The following SPRY4 variants were observed in gnomAD, a reference collection of about 807,000 sequenced individuals.
The protein encoded by SPRY4 is protein sprouty homolog 4.
Under a neutral mutation model 17.0 loss-of-function variants are expected in SPRY4, and 7 were observed. That is an observed-to-expected ratio of 0.41 (90% CI 0.23 to 0.77). The LOEUF (loss-of-function observed/expected upper bound fraction) is 0.77. SPRY4 is among the 30% of genes least tolerant of loss of function. The pLI is 0.32. For synonymous variants in SPRY4, 183 were observed against 174.1 expected, an observed-to-expected ratio of 1.05 and a Z score of -0.40; for missense variants, 435 against 419.9, an observed-to-expected ratio of 1.04 and a Z score of -0.31.
At position 142,312,587 on chromosome 5, in the gene SPRY4, G is replaced by C. The variant is rs192055228; in HGVS notation, c.*1622C>G. On this transcript the variant is annotated 3_prime_UTR_variant, in exon 2 of 2. Coordinates refer to ENST00000434127, the MANE Select transcript of SPRY4 (RefSeq NM_001127496.3). ...AGAACAAACTGGAAATGCTACGGAC[G>C]CTCTGCCTCATGCACTTCCAGTTTC... The C allele has an allele frequency of 6.6e-6, 1 of 152,114 alleles. No homozygotes were observed. The highest frequency in any genetic ancestry group is 1.5e-5 in the Non-Finnish European group (1 of 68,022). The allele number at this position is 152,114 out of a possible 1,614,324, so 9.4% of individuals were successfully genotyped here. A position where few individuals can be genotyped will look rare whatever the true frequency, so the allele number is the denominator to read the frequency against.
chr5:142,317,912 C>T, intron 1 of SPRY4: 1 of 985,392 alleles, frequency 1.0e-6, no homozygotes, highest in Non-Finnish European at 1.2e-6. Flanking sequence ...TGACTTGGCT[C>T]TCTGGGGACG....
At chr5:142,323,384 G>A (rs1759416002) in intron 1 of SPRY4, among the ~76,000 whole-genome samples, 1 of 152,216 alleles carries the variant, frequency 6.6e-6, no homozygotes, top group Non-Finnish European at 1.5e-5. Context: ...TTGGAGGCAG[G>A]AAAGAAGGGG....
Position 142,314,170 on chromosome 5 carries a change from A to G in SPRY4, c.*39T>C. ...TCTTCTTAGATGTCAGAAGAGAACC[A>G]GGTTTCCAGGCAGAGCACTGGGGCT... is the stretch of plus-strand genomic sequence containing the variant. On this transcript the variant is annotated 3_prime_UTR_variant, in exon 2 of 2. Transcript: ENST00000434127. This position sits in a 1 kb window ranked among gnomAD's most constrained non-coding sequence, Gnocchi z 4.8. 6.4e-7 allele frequency: 1 copy of G among 1,564,642 alleles called. No individual in the cohort carries two copies. Among genetic ancestry groups the G allele is most frequent in the Non-Finnish European group, 8.6e-7 (1 of 1,157,558 alleles).
At chr5:142,319,826 C>G in intron 1 of SPRY4, 2 of 1,589,656 alleles carry the variant, frequency 1.3e-6, no homozygotes, top group Non-Finnish European at 1.7e-6. Context: ...GTTAAATGTC[C>G]GCACAATTGA....
At chr5:142,316,968 G>C in intron 1 of SPRY4, 1 of 982,916 alleles carries the variant, frequency 1.0e-6, no homozygotes, top group Non-Finnish European at 1.2e-6. Flanking sequence ...CTTGGAGAAA[G>C]CCTACCTAGT....
At position 142,313,464 on chromosome 5, in the gene SPRY4, G is replaced by A. The variant is rs1180317749; in HGVS notation, c.*745C>T. On this transcript the variant is annotated 3_prime_UTR_variant, in exon 2 of 2. Transcript: ENST00000434127. ...GTCTGTGACTCAGTAAGAACCGAAG[G>A]ACGGTGTGGTGAGCAGAACACCCCC... The A allele has an allele frequency of 6.6e-6, 1 of 152,552 alleles. No homozygotes were observed. Among genetic ancestry groups the A allele is most frequent in the African/African-American group, 2.4e-5 (1 of 41,398 alleles). 9.4% of individuals were successfully genotyped at this position (152,552 alleles called of 1,614,324 possible).
intron 1 of SPRY4, among the ~76,000 whole-genome samples, chr5:142,322,533 T>C (rs1192564543): frequency 6.6e-6 from 1 of 151,506 alleles, no homozygotes; most frequent in Non-Finnish European, 1.5e-5. Context: ...GCTCCAAATG[T>C]CCACCTGTCC....
intron 1 of SPRY4, among the ~76,000 whole-genome samples, chr5:142,318,488 GAAAA>G: frequency 7.5e-6 from 1 of 134,162 alleles, no homozygotes; most frequent in Middle Eastern, 3.7e-3. Context: ...TGAGTCTCAA[GAAAA>G]AAAAAAAGAA....
Position 142,314,594 on chromosome 5 carries a change from G to C in SPRY4, c.515C>G (p.Ser172Cys). The change falls in exon 2 of 2, where the codon TCC (serine) becomes TGC (cysteine). Residue 172 changes from serine (S) to cysteine (C), a missense_variant. By Grantham distance (112) the Ser-to-Cys change is moderately radical. Transcript: ENST00000434127. This position sits in a 1 kb window ranked among gnomAD's most constrained non-coding sequence, Gnocchi z 4.8. ...CCAGCAGGAAGGCAACGTCCGGGGGGATGCACACTCCTTGCATTTACACTT... is the reference window on the plus strand; with the variant it reads ...CCAGCAGGAAGGCAACGTCCGGGGGCATGCACACTCCTTGCATTTACACTT... Reference protein sequence around the residue: ...CGKCKCKECASPRTLPSCWVC... With the variant: ...CGKCKCKECACPRTLPSCWVC... The C allele has an allele frequency of 6.2e-7, 1 of 1,614,238 alleles. No homozygotes were observed. The highest frequency in any genetic ancestry group is 1.7e-5 in the Admixed American group (1 of 60,026).
At chr5:142,323,101 T>C (rs1243285134) in intron 1 of SPRY4, among the ~76,000 whole-genome samples, 1 of 151,074 alleles carries the variant, frequency 6.6e-6, no homozygotes, top group Non-Finnish European at 1.5e-5. Flanking sequence ...TGTGTGAAGA[T>C]CTGGAGAACT....
chr5:142,314,815 A>G lies in SPRY4; in HGVS notation c.294T>C (p.Ser98=), dbSNP rs759514704. ...HWISFSGRPS[S]VSSSSSTSSD... ...AGGATGTGCTGCTGCTGCTGCTCAC[A>G]GAGCTGGGGCGCCCGCTGAAGGAGA... Residue 98 remains serine, a synonymous_variant, in exon 2 of 2, where the codon TCT becomes TCC. Transcript: ENST00000434127. The surrounding 1 kb of genome is among the most constrained non-coding windows in gnomAD (Gnocchi z 4.8). The G allele has an allele frequency of 2.5e-5, 40 of 1,589,924 alleles. No individual in the cohort carries two copies. In the East Asian group the frequency reaches 9.0e-4, roughly 36 times the overall value.
At chr5:142,319,820 A>G in intron 1 of SPRY4, 1 of 1,599,108 alleles carries the variant, frequency 6.3e-7, no homozygotes, top group Admixed American at 1.7e-5. Flanking sequence ...AGGCATGTTA[A>G]ATGTCCGCAC....
chr5:142,314,310 G>A lies in SPRY4; in HGVS notation c.799C>T (p.Arg267Cys), dbSNP rs774476082. 22 of 1,613,828 alleles carry A rather than the reference G, an allele frequency of 1.4e-5. No individual in the cohort carries two copies. The highest frequency in any genetic ancestry group is 1.7e-5 in the Non-Finnish European group (20 of 1,179,988). Residue 267 changes from arginine (R) to cysteine (C), a missense_variant, in exon 2 of 2, where the codon CGT (arginine) becomes TGT (cysteine). Coordinates refer to ENST00000434127, the MANE Select transcript of SPRY4 (RefSeq NM_001127496.3). The surrounding 1 kb of genome is among the most constrained non-coding windows in gnomAD (Gnocchi z 4.8). The stretch of plus-strand genomic sequence containing the variant: ...CAGCGGCAACCAGGGCGGCGCAGAC[G>A]GTCGTAGCCACGCTGGGCCAGCTTC... ...CVKLAQRGYD[R>C]LRRPGCRCKH...
At chr5:142,323,007 C>G (rs1434108848) in intron 1 of SPRY4, among the ~76,000 whole-genome samples, 1 of 151,330 alleles carries the variant, frequency 6.6e-6, no homozygotes, top group Admixed American at 6.6e-5. Context: ...TTAACTGCAG[C>G]CCTGCCTCTC....
chr5:142,314,672 G>C lies in SPRY4; in HGVS notation c.437C>G (p.Pro146Arg). 1.2e-6 allele frequency: 2 copies of C among 1,614,162 alleles called. No homozygotes were observed. Among genetic ancestry groups the C allele is most frequent in the Middle Eastern group, 1.6e-4 (1 of 6,062 alleles). ...VHCQPLDLKG[P>R]AVPPELDKHF... Reference sequence around the variant, plus strand: ...CTTGTCCAGCTCGGGTGGGACCGCCGGGCCCTTGAGGTCCAGCGGCTGGCA... The same window carrying C: ...CTTGTCCAGCTCGGGTGGGACCGCCCGGCCCTTGAGGTCCAGCGGCTGGCA... The change falls in exon 2 of 2, where the codon CCG becomes CGG. Residue 146 changes from proline (P) to arginine (R), a missense_variant. Coordinates refer to ENST00000434127, the MANE Select transcript of SPRY4 (RefSeq NM_001127496.3). The surrounding 1 kb of genome is among the most constrained non-coding windows in gnomAD (Gnocchi z 4.8).
chr5:142,320,585 G>A (rs191814777), intron 1 of SPRY4, among the ~76,000 whole-genome samples: 4 of 152,148 alleles, frequency 2.6e-5, no homozygotes, highest in Non-Finnish European at 4.4e-5. Context: ...CTGTATTACC[G>A]CCTTAATTGT....
At chr5:142,318,993 T>C (rs1478749354) in intron 1 of SPRY4, among the ~76,000 whole-genome samples, 1 of 152,056 alleles carries the variant, frequency 6.6e-6, no homozygotes, top group African/African-American at 2.4e-5. Flanking sequence ...AGAGAACCCA[T>C]TTTACAGAGG....
intron 1 of SPRY4, among the ~76,000 whole-genome samples, chr5:142,318,871 G>A (rs1759249593): frequency 6.6e-6 from 1 of 152,180 alleles, no homozygotes; most frequent in South Asian, 2.1e-4. Flanking sequence ...TAATAATTAT[G>A]GAAGCGGCTA....
chr5:142,317,123 G>A, intron 1 of SPRY4: 1 of 985,500 alleles, frequency 1.0e-6, no homozygotes, highest in Non-Finnish European at 1.2e-6. Context: ...CTCCCCTGGA[G>A]ATCCTGTGGT....
Sources: gnomAD v4.1 joint callset for allele counts (sites outside exome capture counted in the v4.1 genomes callset) on GRCh38, gnomAD v4.1.1 for gene constraint, Gnocchi (gnomAD v3.1) non-coding constraint, MANE v1.5 for transcripts, NCBI Gene and HGNC (gene_info 2026-07-23, HGNC 2026-07-21) for gene names.